The following BCO1 variants were observed in gnomAD, a reference collection of about 807,000 sequenced individuals.
The protein encoded by BCO1 is beta,beta-carotene 15,15'-dioxygenase.
Under a neutral mutation model 56.3 loss-of-function variants are expected in BCO1, and 54 were observed. That is an observed-to-expected ratio of 0.96 (90% CI 0.77 to 1.20). BCO1 has a LOEUF of 1.20. Ranked by LOEUF, BCO1 falls within the 50% of genes most tolerant of loss-of-function variation. The pLI, the probability that BCO1 is intolerant of heterozygous loss-of-function variation, is 0.00. For synonymous variants in BCO1, 318 were observed against 266.1 expected (o/e 1.20, Z -1.90); for missense variants, 801 against 690.9 (o/e 1.16, Z -1.79).
chr16:81,290,115 C>G (rs1908380388), intron 10 of BCO1, among the ~76,000 whole-genome samples: 1 of 152,220 alleles, frequency 6.6e-6, no homozygotes, highest in Non-Finnish European at 1.5e-5. Flanking sequence ...CCGCCCACCT[C>G]TGCTCCCAAA....
intron 9 of BCO1, among the ~76,000 whole-genome samples, chr16:81,286,925 A>G (rs1473241873): frequency 1.3e-5 from 2 of 150,148 alleles, no homozygotes; most frequent in East Asian, 2.0e-4. Flanking sequence ...AATACAAAAA[A>G]TCAGCCAGGT....
Position 81,245,516 on chromosome 16 carries a change from G to C in BCO1, c.106G>C (p.Gly36Arg). Reference protein sequence around the residue: ...AWLQGTLLRNGPGMHTVGESR... With the variant: ...AWLQGTLLRNRPGMHTVGESR... ...GCTGCAGGGAACCCTGCTCCGCAAT[G>C]GGCCTGGGATGCACACAGTTGGGGA... The change falls in exon 2 of 11, where the codon GGG (glycine) becomes CGG (arginine). Residue 36 changes from glycine to arginine, a missense_variant. Gly to Arg is a moderately radical substitution (Grantham distance 125). Coordinates refer to ENST00000258168, the MANE Select transcript of BCO1 (RefSeq NM_017429.3). 6.2e-7 allele frequency: 1 copy of C among 1,613,716 alleles called. No individual in the cohort carries two copies. The highest frequency in any genetic ancestry group is 8.5e-7 in the Non-Finnish European group (1 of 1,179,670).
Position 81,264,780 on chromosome 16 carries a change from A to G in BCO1, c.612A>G (p.Thr204=), listed in dbSNP as rs745782751. 20 of 1,614,068 alleles carry G rather than the reference A, an allele frequency of 1.2e-5. No homozygotes were observed. Among genetic ancestry groups the G allele is most frequent in the Non-Finnish European group, 8.5e-7 (1 of 1,180,032 alleles). ...ATGTGATTTTTAAGATCCCTGCCAC[A>G]GTACCAGGTAGGCCACTCTGGGGAA... is the stretch of plus-strand genomic sequence containing the variant. ...TKYVIFKIPA[T]VPEGKKQGKS... is the part of the protein sequence containing the mutation. The change falls in exon 5 of 11, where the codon ACA becomes ACG. Residue 204 remains threonine, a synonymous_variant. Transcript: ENST00000258168.
chr16:81,242,210 T>TC (rs1447385050), intron 1 of BCO1, among the ~76,000 whole-genome samples: 4 of 146,502 alleles, frequency 2.7e-5, no homozygotes, highest in Non-Finnish European at 4.5e-5. Context: ...TTTTTTTTTT[T>TC]TTTTTTTGAG....
chr16:81,273,639 C>CTTT (rs59815701), intron 7 of BCO1, among the ~76,000 whole-genome samples: 25,588 of 146,110 alleles, frequency 0.18, 2,424 homozygotes, highest in Middle Eastern at 0.31. Context: ...TTTAAAAATC[C>CTTT]TTTTTTTTTT....
intron 7 of BCO1, among the ~76,000 whole-genome samples, chr16:81,277,828 G>A (rs1324529610): frequency 6.6e-6 from 1 of 152,146 alleles, no homozygotes; most frequent in East Asian, 1.9e-4. Context: ...GTTTGTTATT[G>A]CTGTGTGTGG....
chr16:81,269,780 T>G (rs980098090), intron 6 of BCO1, among the ~76,000 whole-genome samples: 3 of 152,156 alleles, frequency 2.0e-5, no homozygotes, highest in African/African-American at 7.2e-5. Context: ...GCTCCAGTCT[T>G]AGATGGAGCC....
intron 8 of BCO1, among the ~76,000 whole-genome samples, chr16:81,281,375 G>A (rs1451749524): frequency 6.6e-6 from 1 of 152,210 alleles, no homozygotes; most frequent in Non-Finnish European, 1.5e-5. Flanking sequence ...GAGCCCAGGA[G>A]GTGGAGATTG....
intron 7 of BCO1, among the ~76,000 whole-genome samples, chr16:81,274,290 G>A (rs1267213206): frequency 8.0e-6 from 1 of 124,734 alleles, no homozygotes; most frequent in Non-Finnish European, 1.6e-5. Flanking sequence ...TTGAGACAGA[G>A]TCTCGCTCTG....
chr16:81,252,487 C>T (rs1905869114), intron 2 of BCO1, among the ~76,000 whole-genome samples: 1 of 152,178 alleles, frequency 6.6e-6, no homozygotes, highest in Non-Finnish European at 1.5e-5. Context: ...AACTCCTGAC[C>T]TCAGGTGATC....
chr16:81,267,757 G>C, intron 5 of BCO1, 151 bp from the exon 6 acceptor site: 2 of 710,498 alleles, frequency 2.8e-6, no homozygotes, highest in Non-Finnish European at 5.0e-6. Flanking sequence ...CCCTGCAGCA[G>C]CTGCAGCAAC....
chr16:81,262,453 G>C, intron 4 of BCO1, 170 bp downstream of exon 4: 1 of 712,462 alleles, frequency 1.4e-6, no homozygotes, highest in East Asian at 2.7e-5. Context: ...GCTAGGCAGG[G>C]ACTGTGTTGT....
chr16:81,243,160 G>T (rs1218801051), intron 1 of BCO1, among the ~76,000 whole-genome samples: 1 of 152,102 alleles, frequency 6.6e-6, no homozygotes, highest in Non-Finnish European at 1.5e-5. Context: ...CTGGAATTAG[G>T]TGATGGTTGC....
At position 81,267,975 on chromosome 16, in the gene BCO1, C is replaced by T. The variant is rs1391407122; in HGVS notation, c.687C>T (p.Ser229=). The T allele has an allele frequency of 1.9e-6, 3 of 1,613,976 alleles. No individual in the cohort carries two copies. Among genetic ancestry groups the T allele is most frequent in the Middle Eastern group, 1.7e-4 (1 of 6,058 alleles). ...TEVFCSIPSR[S]LLSPSYYHSF... ...TGTTCTGCTCCATCCCATCCCGCTCCCTGCTCTCCCCAAGCTACTACCACA... is the reference window on the plus strand; with the variant it reads ...TGTTCTGCTCCATCCCATCCCGCTCTCTGCTCTCCCCAAGCTACTACCACA... Residue 229 remains serine (S), a synonymous_variant, in exon 6 of 11, where the codon TCC becomes TCT. Coordinates refer to ENST00000258168, the MANE Select transcript of BCO1 (RefSeq NM_017429.3).
chr16:81,278,055 T>G (rs1030996727), intron 7 of BCO1, among the ~76,000 whole-genome samples: 1 of 152,114 alleles, frequency 6.6e-6, no homozygotes, highest in Non-Finnish European at 1.5e-5. Flanking sequence ...ATTTTATTTT[T>G]TTTTGAGACA....
At chr16:81,290,260 A>T in intron 10 of BCO1, 88 bp from the exon 11 acceptor site, 1 of 1,121,522 alleles carries the variant, frequency 8.9e-7, no homozygotes, top group Non-Finnish European at 1.3e-6. Context: ...ACATATGTTT[A>T]AAGAGGGCAG....
intron 2 of BCO1, among the ~76,000 whole-genome samples, chr16:81,248,267 G>T (rs910617843): frequency 2.0e-5 from 3 of 151,874 alleles, no homozygotes; most frequent in African/African-American, 7.3e-5. Context: ...GCTGAGCGTT[G>T]TGGTGAGCAC....
intron 2 of BCO1, among the ~76,000 whole-genome samples, chr16:81,253,910 C>T (rs1324137434): frequency 6.6e-6 from 1 of 152,130 alleles, no homozygotes; most frequent in Non-Finnish European, 1.5e-5. Context: ...CTGCAGTGAG[C>T]TGTAATTGCG....
At chr16:81,265,417 C>T (rs940061000) in intron 5 of BCO1, among the ~76,000 whole-genome samples, 27 of 150,670 alleles carry the variant, frequency 1.8e-4, no homozygotes, top group African/African-American at 6.6e-4. Context: ...CATCCATCCA[C>T]CCATCCACCA....
Sources: allele counts gnomAD v4.1 joint callset (sites outside exome capture counted in the v4.1 genomes callset), GRCh38; gene constraint gnomAD v4.1.1; transcripts MANE v1.5; gene names NCBI Gene and HGNC (gene_info 2026-07-23, HGNC 2026-07-21).